Variants in DISC1 observed in about 807,000 individuals in gnomAD.
The protein encoded by DISC1 is DISC1 scaffold protein, also known as disrupted in schizophrenia 1 protein.
A neutral mutation model predicts 84.5 loss-of-function variants in DISC1; 57 were observed. The ratio of observed to expected loss-of-function variants is 0.67; its 90% CI spans 0.55 to 0.84. The LOEUF is 0.84. DISC1 is among the 40% of genes least tolerant of loss of function. The pLI is 0.00. For synonymous variants in DISC1, 411 were observed against 415.2 expected (o/e 0.99, Z 0.12); for missense variants, 1,000 against 1,057.8 (o/e 0.95, Z 0.76).
chr1:231,703,407 C>T (rs2066650966), intron 3 of DISC1, among the ~76,000 whole-genome samples: 1 of 152,296 alleles, frequency 6.6e-6, no homozygotes, highest in African/African-American at 2.4e-5. Context: ...TATTCCTGGG[C>T]CAGGGCTCAC....
At chr1:231,746,365 G>C (rs1370804847) in intron 3 of DISC1, among the ~76,000 whole-genome samples, 1 of 152,148 alleles carries the variant, frequency 6.6e-6, no homozygotes, top group Non-Finnish European at 1.5e-5. Flanking sequence ...TGGACACTTA[G>C]ATTGATTCCA....
chr1:231,892,966 A>G (rs1340319976), intron 9 of DISC1, among the ~76,000 whole-genome samples: 1 of 152,144 alleles, frequency 6.6e-6, no homozygotes, highest in Non-Finnish European at 1.5e-5. Context: ...GTTCAAGACT[A>G]GCCTGGCCAA....
intron 9 of DISC1, among the ~76,000 whole-genome samples, chr1:231,922,239 A>G (rs2090053758): frequency 6.6e-6 from 1 of 152,222 alleles, no homozygotes. Flanking sequence ...AGCTCCTGCT[A>G]TGAAATATCT....
At chr1:231,742,388 G>C (rs1029149311) in intron 3 of DISC1, among the ~76,000 whole-genome samples, 2 of 152,160 alleles carry the variant, frequency 1.3e-5, no homozygotes, top group Non-Finnish European at 2.9e-5. Flanking sequence ...GAGAGAGGCT[G>C]GAGTAGGAGA....
intron 12 of DISC1, among the ~76,000 whole-genome samples, chr1:232,030,721 C>T (rs1669931424): frequency 6.6e-6 from 1 of 152,182 alleles, no homozygotes; most frequent in African/African-American, 2.4e-5. Flanking sequence ...GGGAGACTGT[C>T]CTGCCTCCTT....
intron 2 of DISC1, among the ~76,000 whole-genome samples, chr1:231,695,802 T>A (rs2065613881): frequency 6.6e-6 from 1 of 152,128 alleles, no homozygotes; most frequent in African/African-American, 2.4e-5. Context: ...TCTGCAGAAG[T>A]TCATGCTCAT....
chr1:231,849,019 A>G (rs1274883285), intron 9 of DISC1, among the ~76,000 whole-genome samples: 2 of 152,148 alleles, frequency 1.3e-5, no homozygotes, highest in African/African-American at 4.8e-5. Context: ...TAGTCCAATT[A>G]TCAGGAGATA....
At chr1:231,648,548 G>C (rs1415879968) in intron 1 of DISC1, among the ~76,000 whole-genome samples, 2 of 152,184 alleles carry the variant, frequency 1.3e-5, no homozygotes, top group Non-Finnish European at 2.9e-5. Flanking sequence ...CCAGGCTTTG[G>C]TATCAGGATG....
In DISC1 at chr1:232,041,063, A is replaced by T. The variant is rs1244236050; in HGVS notation, c.*4232A>T. On this transcript the variant is annotated 3_prime_UTR_variant, in exon 13 of 13. Coordinates refer to ENST00000439617, the MANE Select transcript of DISC1 (RefSeq NM_018662.3). The stretch of plus-strand genomic sequence containing the variant: ...CCTTATCTAATCTTTGAATTTTGTC[A>T]TGTAATTTATTGCTTCATTAAGGTT... The T allele has an allele frequency of 6.6e-6, 1 of 152,188 alleles. No individual in the cohort carries two copies. The highest frequency in any genetic ancestry group is 1.5e-5 in the Non-Finnish European group (1 of 68,044). The allele number at this position is 152,188 out of a possible 1,614,324, so 9.4% of individuals were successfully genotyped here. A position where few individuals can be genotyped will look rare whatever the true frequency, so the allele number is the denominator to read the frequency against.
At chr1:231,807,778 A>G (rs75879087) in intron 8 of DISC1, among the ~76,000 whole-genome samples, 491 of 152,228 alleles carry the variant, frequency 3.2e-3, no homozygotes, top group African/African-American at 0.011. Flanking sequence ...AATCAATTGG[A>G]CCTGAAAATC....
intron 9 of DISC1, among the ~76,000 whole-genome samples, chr1:231,889,132 A>G (rs932888482): frequency 9.9e-5 from 15 of 152,176 alleles, no homozygotes; most frequent in South Asian, 2.1e-4. Context: ...AGAGTCCTTC[A>G]GGAGTCTCTA....
chr1:231,635,859 TAGTGTTGTCTAC>T (rs1435794096), intron 1 of DISC1, among the ~76,000 whole-genome samples: 3 of 152,308 alleles, frequency 2.0e-5, no homozygotes, highest in Non-Finnish European at 4.4e-5. Context: ...TTCAAATAGA[TAGTGTTGTCTAC>T]ACCATTGAGA....
chr1:231,857,135 T>A (rs1351474589), intron 9 of DISC1, among the ~76,000 whole-genome samples: 3 of 152,188 alleles, frequency 2.0e-5, no homozygotes, highest in Non-Finnish European at 4.4e-5. Flanking sequence ...TCAAGCCTGC[T>A]GGGAAAAACC....
At chr1:231,824,665 T>C (rs533794652) in intron 9 of DISC1, among the ~76,000 whole-genome samples, 1 of 152,306 alleles carries the variant, frequency 6.6e-6, no homozygotes, top group Admixed American at 6.5e-5. Flanking sequence ...GGCATCGCCA[T>C]ACAGTGGAAA....
intron 11 of DISC1, among the ~76,000 whole-genome samples, chr1:232,019,452 T>C (rs1668754372): frequency 6.6e-6 from 1 of 152,232 alleles, no homozygotes; most frequent in Non-Finnish European, 1.5e-5. Flanking sequence ...CAACCTGTAC[T>C]TTAAATGATC....
intron 1 of DISC1, among the ~76,000 whole-genome samples, chr1:231,650,292 T>C (rs2060502726): frequency 6.6e-6 from 1 of 152,206 alleles, no homozygotes; most frequent in African/African-American, 2.4e-5. Context: ...TGCTTGTCTG[T>C]AAAGGATTCT....
chr1:231,906,682 G>T (rs986646679), intron 9 of DISC1, among the ~76,000 whole-genome samples: 1 of 152,100 alleles, frequency 6.6e-6, no homozygotes, highest in East Asian at 1.9e-4. Flanking sequence ...CTCTAAAGCC[G>T]TTCAGGTTAG....
At chr1:231,898,942 A>C (rs139485560) in intron 9 of DISC1, among the ~76,000 whole-genome samples, 1 of 152,134 alleles carries the variant, frequency 6.6e-6, no homozygotes, top group Non-Finnish European at 1.5e-5. Context: ...AGACAAAACA[A>C]AACAAAAAAT....
chr1:231,832,122 G>T (rs547761577), intron 9 of DISC1, among the ~76,000 whole-genome samples: 19 of 150,906 alleles, frequency 1.3e-4, no homozygotes, highest in African/African-American at 4.6e-4. Context: ...GGTAATTGTG[G>T]GACACTCAAC....
Sources: allele counts gnomAD v4.1 joint callset (sites outside exome capture counted in the v4.1 genomes callset), GRCh38; gene constraint gnomAD v4.1.1; transcripts MANE v1.5; gene names NCBI Gene and HGNC (gene_info 2026-07-23, HGNC 2026-07-21).